RAB28: variants seen among roughly 807,000 people sequenced by gnomAD.
RAB28 encodes ras-related protein Rab-28.
A neutral mutation model predicts 31.7 loss-of-function variants in RAB28; 24 were observed. The ratio of observed to expected loss-of-function variants is 0.76; its 90% CI spans 0.55 to 1.06. RAB28 has a LOEUF of 1.06. RAB28 is among the 50% of genes least tolerant of loss of function. RAB28 has a pLI of 0.00. For missense variants in RAB28, 254 were observed against 258.5 expected (o/e 0.98, Z 0.12); for synonymous variants, 100 against 90.4 (o/e 1.11, Z -0.60).
chr4:13,442,171 C>A (rs1415674514), intron 4 of RAB28, among the ~76,000 whole-genome samples: 1 of 152,186 alleles, frequency 6.6e-6, no homozygotes, highest in Non-Finnish European at 1.5e-5. Flanking sequence ...TTAGTAGACT[C>A]AGCTTTTGTC....
chr4:13,395,622 G>C (rs908640111), intron 4 of RAB28, among the ~76,000 whole-genome samples: 1 of 151,288 alleles, frequency 6.6e-6, no homozygotes, highest in African/African-American at 2.4e-5. Context: ...TATGACTACT[G>C]ATAACAAGGG....
At chr4:13,374,770 C>T (rs189601804) in intron 6 of RAB28, among the ~76,000 whole-genome samples, 4 of 152,128 alleles carry the variant, frequency 2.6e-5, no homozygotes, top group Admixed American at 2.6e-4. Context: ...AGTCTCCTTA[C>T]CTCAATCTCC....
chr4:13,444,944 G>A lies in RAB28; in HGVS notation c.391+15755C>T, dbSNP rs983875951. ...TCGGCCTGTCTTGCTAGGTGGGGAA[G>A]GTCTCCTGGATAATATCCTGAAGTG... On this transcript the variant is annotated intron_variant, in intron 4 of 6. Transcript: ENST00000330852. Among the ~76,000 whole-genome samples the A allele has an allele frequency of 2.0e-5, 3 of 151,990 alleles. No homozygotes were observed. In the East Asian group the frequency reaches 5.8e-4, roughly 30 times the overall value.
chr4:13,454,134 G>A (rs923527294), intron 4 of RAB28, among the ~76,000 whole-genome samples: 31 of 151,970 alleles, frequency 2.0e-4, no homozygotes, highest in African/African-American at 7.2e-4. Context: ...TGCAGCTCCT[G>A]ATAGTATTTT....
intron 2 of RAB28, among the ~76,000 whole-genome samples, chr4:13,475,784 A>C (rs1716336506): frequency 6.6e-6 from 1 of 151,722 alleles, no homozygotes; most frequent in East Asian, 1.9e-4. Context: ...ACAGACTAAG[A>C]TTTGTCCAAA....
chr4:13,469,635 T>TATCTAATAAGCATGATGAGTGAGTAA (rs1716026292), intron 3 of RAB28, among the ~76,000 whole-genome samples: 1 of 152,036 alleles, frequency 6.6e-6, no homozygotes, highest in East Asian at 1.9e-4. Flanking sequence ...CTTACTACCA[T>TATCTAATAAGCATGATGAGTGAGTAA]ATCTAATAAG....
At chr4:13,472,133 T>C (rs1420395346) in intron 3 of RAB28, among the ~76,000 whole-genome samples, 2 of 151,922 alleles carry the variant, frequency 1.3e-5, no homozygotes, top group Non-Finnish European at 2.9e-5. Flanking sequence ...TGACACCGAT[T>C]ATATACTTTA....
chr4:13,381,891 A>G (rs534439221), intron 4 of RAB28, among the ~76,000 whole-genome samples: 2 of 152,304 alleles, frequency 1.3e-5, no homozygotes, highest in East Asian at 3.9e-4. Context: ...TATCATCTGT[A>G]TAAGTTCAGG....
intron 4 of RAB28, among the ~76,000 whole-genome samples, chr4:13,386,478 T>A (rs1560271156): frequency 6.6e-6 from 1 of 151,740 alleles, no homozygotes; most frequent in African/African-American, 2.4e-5. Context: ...AAAGAAGACA[T>A]ACATGCATCC....
intron 6 of RAB28, among the ~76,000 whole-genome samples, chr4:13,368,981 CAT>C (rs1269663866): frequency 6.6e-6 from 1 of 152,020 alleles, no homozygotes; most frequent in East Asian, 1.9e-4. Context: ...AAATCATTCA[CAT>C]ATATTTTAAA....
intron 4 of RAB28, among the ~76,000 whole-genome samples, chr4:13,435,032 A>G (rs1418460047): frequency 1.4e-4 from 21 of 150,202 alleles, no homozygotes; most frequent in Non-Finnish European, 2.5e-4. Flanking sequence ...AAAAAAAAAA[A>G]AAAGAAAAGA....
At chr4:13,467,845 T>C (rs1430244655) in intron 3 of RAB28, among the ~76,000 whole-genome samples, 1 of 151,840 alleles carries the variant, frequency 6.6e-6, no homozygotes, top group Admixed American at 6.6e-5. Flanking sequence ...TCAAAGGAGA[T>C]GAGAAAACAA....
At chr4:13,438,050 T>C (rs908211721) in intron 4 of RAB28, among the ~76,000 whole-genome samples, 24 of 152,128 alleles carry the variant, frequency 1.6e-4, no homozygotes, top group African/African-American at 5.1e-4. Flanking sequence ...TGCAGCAACA[T>C]TGATGCATCT....
Position 13,368,597 on chromosome 4 carries a change from A to G in RAB28, c.627T>C (p.Thr209=), listed in dbSNP as rs1728601144. 1.2e-6 allele frequency: 2 copies of G among 1,612,700 alleles called. No homozygotes were observed. The highest frequency in any genetic ancestry group is 1.7e-6 in the Non-Finnish European group (2 of 1,179,184). Residue 209 remains threonine, a synonymous_variant, in exon 7 of 7, where the codon ACT becomes ACC. Transcript: ENST00000330852. ...ACATAGAGCTTCTAGGAGGGTTAAC[A>G]GTCCTTGACATAGGTTCCTGGTTGT... ...VNYNQEPMSR[T]VNPPRSSMCA...
chr4:13,473,215 T>A (rs912066774), intron 3 of RAB28, among the ~76,000 whole-genome samples: 1 of 151,922 alleles, frequency 6.6e-6, no homozygotes, highest in Non-Finnish European at 1.5e-5. Context: ...ATATACTATA[T>A]CTCCATCCTA....
intron 4 of RAB28, among the ~76,000 whole-genome samples, chr4:13,452,029 AGCTTGCTT>A (rs1025374525): frequency 6.6e-6 from 1 of 151,770 alleles, no homozygotes; most frequent in East Asian, 1.9e-4. Context: ...TCAGATCTTC[AGCTTGCTT>A]GCTTGCTTTA....
rs1197061011 is a variant in RAB28, at chr4:13,368,481, A to T, written c.*77T>A. On this transcript the variant is annotated 3_prime_UTR_variant, in exon 7 of 7. Transcript: ENST00000330852. ...GAACTACAGAGATGGTCACTGATAAAACAAGTTCCTAGAAGTCCTCGGGCC... is the reference window on the plus strand; with the variant it reads ...GAACTACAGAGATGGTCACTGATAATACAAGTTCCTAGAAGTCCTCGGGCC... 6.6e-7 allele frequency: 1 copy of T among 1,504,484 alleles called. No homozygotes were observed. The highest frequency in any genetic ancestry group is 8.8e-7 in the Non-Finnish European group (1 of 1,132,768). The allele number at this position is 1,504,484 out of a possible 1,614,324, so 93.2% of individuals were successfully genotyped here.
At chr4:13,383,563 T>C (rs1170951058) in intron 4 of RAB28, among the ~76,000 whole-genome samples, 5 of 152,184 alleles carry the variant, frequency 3.3e-5, no homozygotes, top group African/African-American at 1.2e-4. Context: ...GGTTTGGCTG[T>C]GTCCCCACCC....
chr4:13,440,240 C>T (rs1005463209), intron 4 of RAB28, among the ~76,000 whole-genome samples: 5 of 151,754 alleles, frequency 3.3e-5, no homozygotes, highest in Admixed American at 3.3e-4. Flanking sequence ...AAGCATGATA[C>T]AAGTCATTAG....
Sources: gnomAD v4.1 joint callset for allele counts (sites outside exome capture counted in the v4.1 genomes callset) on GRCh38, gnomAD v4.1.1 for gene constraint, MANE v1.5 for transcripts, NCBI Gene and HGNC (gene_info 2026-07-23, HGNC 2026-07-21) for gene names.